NPY2R: variants seen among roughly 807,000 people sequenced by gnomAD.
NPY2R encodes neuropeptide Y receptor type 2.
Under a neutral mutation model 22.3 loss-of-function variants are expected in NPY2R, and 17 were observed. The ratio of observed to expected loss-of-function variants is 0.76; its 90% CI spans 0.52 to 1.14. NPY2R has a LOEUF of 1.14. NPY2R is among the 50% of genes most tolerant of loss of function. NPY2R has a pLI of 0.00. For missense variants in NPY2R, 424 were observed against 467.9 expected, an observed-to-expected ratio of 0.91 and a Z score of 0.87; for synonymous variants, 209 against 183.4, an observed-to-expected ratio of 1.14 and a Z score of -1.13.
intron 1 of NPY2R, among the ~76,000 whole-genome samples, chr4:155,212,690 A>G (rs548386789): frequency 6.6e-6 from 1 of 152,320 alleles, no homozygotes; most frequent in South Asian, 2.1e-4. Flanking sequence ...AGTAATCATG[A>G]TAAGAGATTA....
the NPY2R span, among the ~76,000 whole-genome samples, chr4:155,181,192 G>A: frequency 2.8e-3 from 428 of 152,162 alleles, 2 homozygotes; most frequent in African/African-American, 9.0e-3. Flanking sequence ...TACACAGCAC[G>A]TGGATAACTT....
At chr4:155,190,431 A>G in the NPY2R span, among the ~76,000 whole-genome samples, 4,026 of 152,110 alleles carry the variant, frequency 0.026, 177 homozygotes, top group African/African-American at 0.092. Flanking sequence ...AAAAGAAAAC[A>G]GGTAACACAG....
At chr4:155,198,426 T>C in the NPY2R span, among the ~76,000 whole-genome samples, 2 of 148,062 alleles carry the variant, frequency 1.4e-5, no homozygotes, top group Non-Finnish European at 3.0e-5. Flanking sequence ...ATATAAAATA[T>C]ATATATCTTT....
Position 155,214,646 on chromosome 4 carries a change from C to T in NPY2R, c.707C>T (p.Ser236Leu), listed in dbSNP as rs2111046518. 1 of 1,614,172 alleles carries T rather than the reference C, an allele frequency of 6.2e-7. No individual in the cohort carries two copies. Among genetic ancestry groups the T allele is most frequent in the East Asian group, 2.2e-5 (1 of 44,882 alleles). The change falls in exon 2 of 2, where the codon TCA (serine) becomes TTA (leucine). Residue 236 changes from serine to leucine, a missense_variant. Physicochemically the swap from Ser to Leu is moderately radical, Grantham distance 145. Transcript: ENST00000329476. ...TATGTTTTGCCTCTGGGCATTATAT[C>T]ATTTTCCTACACTCGCATTTGGAGT... ...ILYVLPLGIISFSYTRIWSKL... is the reference protein window; with the variant it reads ...ILYVLPLGIILFSYTRIWSKL...
chr4:155,180,217 G>C, the NPY2R span, among the ~76,000 whole-genome samples: 37 of 152,048 alleles, frequency 2.4e-4, no homozygotes, highest in African/African-American at 8.9e-4. Flanking sequence ...GCTGCACCTG[G>C]CCTGAAACTG....
At chr4:155,179,639 T>C in the NPY2R span, among the ~76,000 whole-genome samples, 1 of 152,240 alleles carries the variant, frequency 6.6e-6, no homozygotes, top group African/African-American at 2.4e-5. Context: ...CTCTGGCAAC[T>C]GCTGTTTCCA....
At chr4:155,182,988 TCA>T in the NPY2R span, among the ~76,000 whole-genome samples, 1 of 152,198 alleles carries the variant, frequency 6.6e-6, no homozygotes, top group Non-Finnish European at 1.5e-5. Context: ...TGATGGGGTT[TCA>T]CCATGTTGGC....
the NPY2R span, among the ~76,000 whole-genome samples, chr4:155,180,015 T>TG: frequency 3.3e-5 from 1 of 30,318 alleles, no homozygotes; most frequent in Non-Finnish European, 5.1e-5. Context: ...TTTATTTTGT[T>TG]TTTTTTTTTT....
rs772110714 is a variant in NPY2R, at chr4:155,214,526, C to T, written c.587C>T (p.Pro196Leu). 3.7e-6 allele frequency: 6 copies of T among 1,614,156 alleles called. No homozygotes were observed. Among genetic ancestry groups the T allele is most frequent in the South Asian group, 1.1e-5 (1 of 91,084 alleles). ...FREYSLIEII[P>L]DFEIVACTEK... ...GAGTATTCGCTGATTGAGATCATCC[C>T]GGACTTTGAGATTGTGGCCTGTACT... Residue 196 changes from proline (P) to leucine (L), a missense_variant, in exon 2 of 2, where the codon CCG (proline) becomes CTG (leucine). Pro to Leu is a moderately conservative substitution (Grantham distance 98). Coordinates refer to ENST00000329476, the MANE Select transcript of NPY2R (RefSeq NM_000910.4).
chr4:155,185,211 T>C, the NPY2R span, among the ~76,000 whole-genome samples: 1 of 151,978 alleles, frequency 6.6e-6, no homozygotes, highest in Non-Finnish European at 1.5e-5. Flanking sequence ...GGCTAAGTTT[T>C]GTATTTTTAG....
chr4:155,214,399 T>C lies in NPY2R; in HGVS notation c.460T>C (p.Tyr154His). 6.2e-7 allele frequency: 1 copy of C among 1,614,052 alleles called. No homozygotes were observed. Among genetic ancestry groups the C allele is most frequent in the South Asian group, 1.1e-5 (1 of 91,064 alleles). ...IALDRHRCIV[Y>H]HLESKISKRI... ...CCTGGACCGGCACAGGTGCATCGTC[T>C]ACCACCTAGAGAGCAAGATCTCCAA... The change falls in exon 2 of 2, where the codon TAC (tyrosine) becomes CAC (histidine). Residue 154 changes from tyrosine (Y) to histidine (H), a missense_variant. By Grantham distance (83) the Tyr-to-His change is moderately conservative. Coordinates refer to ENST00000329476, the MANE Select transcript of NPY2R (RefSeq NM_000910.4).
the NPY2R span, among the ~76,000 whole-genome samples, chr4:155,184,472 TA>T: frequency 6.6e-6 from 1 of 152,160 alleles, no homozygotes; most frequent in Non-Finnish European, 1.5e-5. Context: ...ATTCCAAGGC[TA>T]AAAAACAAAG....
At chr4:155,175,150 T>A in the NPY2R span, among the ~76,000 whole-genome samples, 5 of 152,104 alleles carry the variant, frequency 3.3e-5, no homozygotes, top group East Asian at 9.6e-4. Context: ...GCAATTTTAG[T>A]GTATCATTAA....
chr4:155,213,415 G>A (rs1729445027), intron 1 of NPY2R, among the ~76,000 whole-genome samples: 1 of 152,166 alleles, frequency 6.6e-6, no homozygotes, highest in South Asian at 2.1e-4. Context: ...CAGACAAATA[G>A]TTTTAATATG....
chr4:155,191,359 C>G, the NPY2R span, among the ~76,000 whole-genome samples: 1 of 151,890 alleles, frequency 6.6e-6, no homozygotes, highest in Non-Finnish European at 1.5e-5. Context: ...ATTCCCTAGC[C>G]AAGCAAGCTT....
At chr4:155,209,664 T>G (rs1054561787) in intron 1 of NPY2R, among the ~76,000 whole-genome samples, 11 of 152,182 alleles carry the variant, frequency 7.2e-5, no homozygotes, top group Non-Finnish European at 1.3e-4. Context: ...GTATGTAGCA[T>G]TCTTGAAACT....
chr4:155,189,474 T>C, the NPY2R span, among the ~76,000 whole-genome samples: 1 of 152,040 alleles, frequency 6.6e-6, no homozygotes, highest in African/African-American at 2.4e-5. Flanking sequence ...GAATCATATA[T>C]GTATTATAGG....
At chr4:155,209,992 T>C (rs905466589) in intron 1 of NPY2R, among the ~76,000 whole-genome samples, 6 of 152,186 alleles carry the variant, frequency 3.9e-5, no homozygotes, top group African/African-American at 1.4e-4. Context: ...TGCAAAGAAA[T>C]GTTTCTATGA....
chr4:155,188,356 C>G, the NPY2R span, among the ~76,000 whole-genome samples: 1 of 151,932 alleles, frequency 6.6e-6, no homozygotes, highest in Non-Finnish European at 1.5e-5. Context: ...ATTTTTGCAT[C>G]CTAAAGTCTC....
Sources: gnomAD v4.1 joint callset for allele counts (sites outside exome capture counted in the v4.1 genomes callset) on GRCh38, gnomAD v4.1.1 for gene constraint, MANE v1.5 for transcripts, NCBI Gene and HGNC (gene_info 2026-07-23, HGNC 2026-07-21) for gene names.